CES1: variants seen among roughly 807,000 people sequenced by gnomAD.
CES1 encodes the protein liver carboxylesterase 1.
A neutral mutation model predicts 53.0 loss-of-function variants in CES1; 50 were observed. The observed-to-expected ratio is 0.94, with a 90% confidence interval of 0.75 to 1.19. The LOEUF (loss-of-function observed/expected upper bound fraction) is 1.19, where lower values mean the gene tolerates loss of function less well. Among genes scored for constraint, CES1 ranks in the 50% most tolerant of loss-of-function variants. The pLI is 0.00. For synonymous variants in CES1, 202 were observed against 210.1 expected (o/e 0.96, Z 0.33); for missense variants, 534 against 538.0 (o/e 0.99, Z 0.07).
chr16:55,817,706 CTGTGTGTGTCTCTG>C (rs1239558525), intron 7 of CES1, among the ~76,000 whole-genome samples: 1 of 150,326 alleles, frequency 6.7e-6, no homozygotes. Context: ...GTGTGGGTGT[CTGTGTGTGTCTCTG>C]TGTGTGTGTG....
chr16:55,830,433 C>G (rs1474185453), intron 1 of CES1, among the ~76,000 whole-genome samples: 4 of 152,014 alleles, frequency 2.6e-5, no homozygotes, highest in Admixed American at 1.3e-4. Flanking sequence ...AATCCTCCCC[C>G]CCATCTTAAT....
intron 1 of CES1, among the ~76,000 whole-genome samples, chr16:55,832,455 G>A (rs1251765194): frequency 3.3e-5 from 5 of 152,088 alleles, no homozygotes; most frequent in Non-Finnish European, 7.3e-5. Flanking sequence ...CATACCAGGC[G>A]CTGCCAAGAG....
At chr16:55,831,989 T>G (rs1316532631) in intron 1 of CES1, among the ~76,000 whole-genome samples, 1 of 118,566 alleles carries the variant, frequency 8.4e-6, no homozygotes, top group Non-Finnish European at 1.8e-5. Context: ...TTGTTGACCT[T>G]GGAGAAACTC....
At chr16:55,814,302 G>A (rs1337283962) in intron 8 of CES1, among the ~76,000 whole-genome samples, 2 of 152,210 alleles carry the variant, frequency 1.3e-5, no homozygotes, top group African/African-American at 4.8e-5. Flanking sequence ...ATTAGAGAGA[G>A]CCCAACTCAT....
chr16:55,809,947 C>A (rs1332506174), intron 11 of CES1, among the ~76,000 whole-genome samples: 37 of 152,240 alleles, frequency 2.4e-4, no homozygotes, highest in African/African-American at 8.9e-4. Context: ...ATCCCCTCTT[C>A]CTGGGCATGC....
At chr16:55,829,000 G>A in intron 1 of CES1, 26 bp from the exon 2 acceptor site, 1 of 1,575,860 alleles carries the variant, frequency 6.3e-7, no homozygotes, top group Non-Finnish European at 8.6e-7. Flanking sequence ...AAATCAGGAT[G>A]CATCAGAGGC....
chr16:55,810,482 G>A (rs779516302), intron 11 of CES1, 35 bp downstream of exon 11: 3 of 1,613,686 alleles, frequency 1.9e-6, no homozygotes, highest in Non-Finnish European at 2.5e-6. Flanking sequence ...AGCTCGTGGG[G>A]TTTGTGTCCC....
chr16:55,810,598 T>C lies in CES1; in HGVS notation c.1237A>G (p.Lys413Glu). ...AAGTCCAGGAACAGGTCTTTCTTTT[T>C]GACAGTGTCGTCTGTTCCTCCTAAG... ...KYLGGTDDTV[K>E]KKDLFLDLIA... Residue 413 changes from lysine (K) to glutamate (E), a missense_variant, in exon 11 of 14, where the codon AAA becomes GAA. By Grantham distance (56) the Lys-to-Glu change is moderately conservative. This residue lies in a region of CES1 where 269 missense variants were observed against 206.6 expected (regional missense o/e 1.30). Coordinates refer to ENST00000360526, the MANE Select transcript of CES1 (RefSeq NM_001025195.2). The C allele has an allele frequency of 6.2e-7, 1 of 1,614,192 alleles. No homozygotes were observed. Among genetic ancestry groups the C allele is most frequent in the Non-Finnish European group, 8.5e-7 (1 of 1,180,010 alleles).
intron 4 of CES1, 111 bp from the exon 5 acceptor site, chr16:55,821,632 CT>C (rs2032202869): frequency 8.4e-7 from 1 of 1,185,350 alleles, no homozygotes; most frequent in African/African-American, 1.6e-5. Flanking sequence ...TAAGGCTGGG[CT>C]TCAGCATCTC....
At chr16:55,817,308 A>G (rs1168096662) in intron 7 of CES1, among the ~76,000 whole-genome samples, 3 of 152,234 alleles carry the variant, frequency 2.0e-5, no homozygotes, top group African/African-American at 4.8e-5. Context: ...GCAAAGCTGA[A>G]GGACAGAGAA....
intron 1 of CES1, among the ~76,000 whole-genome samples, chr16:55,830,815 A>AGGC (rs2032626466): frequency 2.4e-5 from 3 of 123,724 alleles, no homozygotes; most frequent in South Asian, 5.3e-4. Context: ...GGAAGGAAGG[A>AGGC]AGGAAGGCAG....
intron 8 of CES1, among the ~76,000 whole-genome samples, chr16:55,816,006 C>T (rs1479843871): frequency 1.3e-5 from 2 of 152,294 alleles, no homozygotes; most frequent in Non-Finnish European, 2.9e-5. Context: ...TTTGCAGTGA[C>T]TGTTCCCTCT....
chr16:55,828,979 A>G lies in CES1; in HGVS notation c.53-5T>C, dbSNP rs768584701. The G allele has an allele frequency of 5.0e-6, 8 of 1,599,256 alleles. No individual in the cohort carries two copies. Among genetic ancestry groups the G allele is most frequent in the Non-Finnish European group, 6.8e-6 (8 of 1,172,868 alleles). ...GTGGCGAGGACGGATGCCCTGCTGG[A>G]CATGGAGAATAAATCAGGATGCATC... On this transcript the variant is annotated splice_region_variant and splice_polypyrimidine_tract_variant and intron_variant, in intron 1 of 13. Coordinates refer to ENST00000360526, the MANE Select transcript of CES1 (RefSeq NM_001025195.2).
Position 55,820,441 on chromosome 16 carries a change from G to A in CES1, c.732C>T (p.Ala244=). The change falls in exon 6 of 14, where the codon GCC becomes GCT. Residue 244 remains alanine, a synonymous_variant. Coordinates refer to ENST00000360526, the MANE Select transcript of CES1 (RefSeq NM_001025195.2). ...TGAGGGCCACGCCACTCTCAGAAAT[G>A]GCCCGGTGGAAGAGGTTCTTGGCCA... ...SPLAKNLFHR[A]ISESGVALTS... 4 of 1,600,666 alleles carry A rather than the reference G, an allele frequency of 2.5e-6. No homozygotes were observed. The highest frequency in any genetic ancestry group is 2.6e-6 in the Non-Finnish European group (3 of 1,171,810).
chr16:55,810,655 T>A lies in CES1; in HGVS notation c.1180A>T (p.Lys394Ter). The change falls in exon 11 of 14, where the codon AAG (lysine) becomes TAG (stop). Residue 394 changes from lysine (K) to a stop codon, truncating the protein, a stop_gained. Coordinates refer to ENST00000360526, the MANE Select transcript of CES1 (RefSeq NM_001025195.2). LOFTEE classifies it high-confidence loss of function. ...WKSYPLVCIAKELIPEATEKY... is the reference protein window; with the variant it reads ...WKSYPLVCIA ...TCAGTGGCTTCTGGAATCAGTTCCT[T>A]AGCAATGCACTGAAATAGATCAAAA... 6.2e-7 allele frequency: 1 copy of A among 1,614,162 alleles called. No individual in the cohort carries two copies. The highest frequency in any genetic ancestry group is 2.2e-5 in the East Asian group (1 of 44,890).
chr16:55,829,737 A>AC lies in CES1; in HGVS notation c.53-764_53-763insG, dbSNP rs1419691110. Among the ~76,000 whole-genome samples, 16 of 152,180 alleles carry AC rather than the reference A, an allele frequency of 1.1e-4. No individual in the cohort carries two copies. In the South Asian group the frequency reaches 2.1e-3, roughly 20 times the overall value. On this transcript the variant is annotated intron_variant, in intron 1 of 13. Coordinates refer to ENST00000360526, the MANE Select transcript of CES1 (RefSeq NM_001025195.2). ...CAGGCTAAGCGCTTGAGTTTTCTTT[A>AC]ATGGACAAATAAGCAGCAGGAACCG... is the stretch of plus-strand genomic sequence containing the variant.
chr16:55,816,078 C>G (rs1471488338), intron 8 of CES1, among the ~76,000 whole-genome samples: 3 of 152,290 alleles, frequency 2.0e-5, no homozygotes, highest in Non-Finnish European at 4.4e-5. Flanking sequence ...CAGAGCTTGG[C>G]TCAAATGCCA....
At chr16:55,817,288 ACAGAGATGTGCAAAG>A in intron 7 of CES1, among the ~76,000 whole-genome samples, 1 of 152,330 alleles carries the variant, frequency 6.6e-6, no homozygotes, top group African/African-American at 2.4e-5. Flanking sequence ...TGAAGCCAAC[ACAGAGATGTGCAAAG>A]CTGAAGGACA....
At chr16:55,828,739 A>G (rs1281832937) in intron 2 of CES1, 28 bp downstream of exon 2, 1 of 1,614,044 alleles carries the variant, frequency 6.2e-7, no homozygotes, top group Non-Finnish European at 8.5e-7. Context: ...TGAGGTAAAC[A>G]TCCCCAAGGA....
Sources: allele counts gnomAD v4.1 joint callset (sites outside exome capture counted in the v4.1 genomes callset), GRCh38; gene constraint gnomAD v4.1.1; regional missense constraint gnomAD v4.1.1; transcripts MANE v1.5; gene names NCBI Gene and HGNC (gene_info 2026-07-23, HGNC 2026-07-21).